The following C6orf52 variants were observed in gnomAD, a reference collection of about 807,000 sequenced individuals.
C6orf52 encodes chromosome 6 open reading frame 52, also known as putative uncharacterized protein C6orf52.
C6orf52 carries 16 observed loss-of-function variants against 16.6 expected under a neutral mutation model. The ratio of observed to expected loss-of-function variants is 0.96; its 90% CI spans 0.65 to 1.46. The LOEUF is 1.46. Ranked by LOEUF, C6orf52 falls within the 40% of genes most tolerant of loss-of-function variation. C6orf52 has a pLI of 0.00. For synonymous variants in C6orf52, 53 were observed against 61.4 expected (o/e 0.86, Z 0.64); for missense variants, 166 against 182.3 (o/e 0.91, Z 0.52).
At chr6:10,678,921 C>T (rs2127463465) in intron 4 of C6orf52, among the ~76,000 whole-genome samples, 1 of 151,970 alleles carries the variant, frequency 6.6e-6, no homozygotes, top group Non-Finnish European at 1.5e-5. Context: ...GGTGAAGCCC[C>T]ACCTCTACTA....
intron 4 of C6orf52, among the ~76,000 whole-genome samples, chr6:10,671,823 A>C (rs1490707710): frequency 6.6e-6 from 1 of 152,210 alleles, no homozygotes; most frequent in Non-Finnish European, 1.5e-5. Flanking sequence ...CAGCTGACAG[A>C]AGAGATGGAG....
chr6:10,692,465 GAC>G (rs1180957072), intron 1 of C6orf52, among the ~76,000 whole-genome samples: 1 of 151,666 alleles, frequency 6.6e-6, no homozygotes, highest in Non-Finnish European at 1.5e-5. Context: ...TTTTTTTTGA[GAC>G]AGTCTCACTC....
At chr6:10,675,890 G>C (rs139907897) in intron 4 of C6orf52, among the ~76,000 whole-genome samples, 70 of 152,290 alleles carry the variant, frequency 4.6e-4, no homozygotes, top group African/African-American at 1.5e-3. Context: ...CCAGCACTTT[G>C]GGAGGCCAAG....
intron 4 of C6orf52, among the ~76,000 whole-genome samples, chr6:10,674,430 G>A (rs181182186): frequency 1.1e-3 from 164 of 152,244 alleles, no homozygotes; most frequent in Non-Finnish European, 1.9e-3. Flanking sequence ...CCACATGGAT[G>A]GCTTTGTGTT....
In C6orf52 at chr6:10,671,463, G is replaced by A. The variant is rs1198139268; in HGVS notation, c.452C>T (p.Pro151Leu). Residue 151 changes from proline to leucine, a missense_variant, in exon 5 of 5, where the codon CCG becomes CTG. Physicochemically the swap from Pro to Leu is moderately conservative, Grantham distance 98 (BLOSUM62 -3). Coordinates refer to ENST00000259983, the MANE Select transcript of C6orf52 (RefSeq NM_001145020.3). ...TTTAATGAACACCTTGCTTCACTTC[G>A]GGGTCTCATCTGGGATTTCGGAGTG... ...TVHSEIPDET[P>L]K is the part of the protein sequence containing the mutation. The A allele has an allele frequency of 3.9e-6, 6 of 1,539,056 alleles. No individual in the cohort carries two copies. Among genetic ancestry groups the A allele is most frequent in the South Asian group, 2.5e-5 (2 of 80,998 alleles).
At position 10,687,179 on chromosome 6, in the gene C6orf52, A is replaced by G. The variant is rs1485332885; in HGVS notation, c.72-15T>C. 12 of 1,526,818 alleles carry G rather than the reference A, an allele frequency of 7.9e-6. No homozygotes were observed. Among genetic ancestry groups the G allele is most frequent in the African/African-American group, 1.4e-5 (1 of 72,176 alleles). 94.6% of individuals were successfully genotyped at this position (1,526,818 alleles called of 1,614,324 possible). ...CAGAGGGGAGACTACAGGAATGACA[A>G]TCATCACAACCAACGCAGAATCATC... On this transcript the variant is annotated splice_polypyrimidine_tract_variant and intron_variant, in intron 2 of 4. Coordinates refer to ENST00000259983, the MANE Select transcript of C6orf52 (RefSeq NM_001145020.3).
Position 10,673,375 on chromosome 6 carries a change from T to A in C6orf52, c.317-1777A>T, listed in dbSNP as rs183753945. On this transcript the variant is annotated intron_variant, in intron 4 of 4. Transcript: ENST00000259983. ...TAATAGAAGCCTATTCAAGACAAAC[T>A]AATTATATCATCCCTAAACCTGTGA... Among the ~76,000 whole-genome samples, 250 of 152,338 alleles carry A rather than the reference T, an allele frequency of 1.6e-3. 1 individual carries two copies. Among genetic ancestry groups the A allele is most frequent in the African/African-American group, 5.5e-3 (229 of 41,576 alleles).
At chr6:10,691,407 A>G (rs1020665352) in intron 1 of C6orf52, among the ~76,000 whole-genome samples, 1 of 152,080 alleles carries the variant, frequency 6.6e-6, no homozygotes, top group Non-Finnish European at 1.5e-5. Flanking sequence ...GCGGGGGTAC[A>G]TGACTGGGGG....
At chr6:10,674,011 AAC>A (rs1035050663) in intron 4 of C6orf52, among the ~76,000 whole-genome samples, 9 of 152,204 alleles carry the variant, frequency 5.9e-5, no homozygotes, top group African/African-American at 1.9e-4. Context: ...GTTCGTAAAC[AAC>A]ACACAGTTAT....
intron 4 of C6orf52, among the ~76,000 whole-genome samples, chr6:10,679,984 T>G (rs1027977929): frequency 2.6e-5 from 4 of 152,220 alleles, no homozygotes; most frequent in Non-Finnish European, 5.9e-5. Flanking sequence ...CAAGCGCAGT[T>G]GCTCATGCCC....
chr6:10,691,680 C>T (rs1769324095), intron 1 of C6orf52, among the ~76,000 whole-genome samples: 2 of 152,018 alleles, frequency 1.3e-5, no homozygotes, highest in Non-Finnish European at 2.9e-5. Flanking sequence ...ATGCTCTCCT[C>T]CAAAAATGTA....
At chr6:10,682,312 C>T (rs532510116) in intron 4 of C6orf52, among the ~76,000 whole-genome samples, 20 of 152,220 alleles carry the variant, frequency 1.3e-4, no homozygotes, top group Non-Finnish European at 2.2e-4. Context: ...GAAAGAAATC[C>T]CACAAAGTTG....
At chr6:10,678,399 G>A (rs1371510301) in intron 4 of C6orf52, among the ~76,000 whole-genome samples, 1 of 151,948 alleles carries the variant, frequency 6.6e-6, no homozygotes, top group Non-Finnish European at 1.5e-5. Flanking sequence ...TACAGCTATT[G>A]TACATGGGAT....
rs1221056615 is a variant in C6orf52 at position 10,687,547 on chromosome 6, C to T, written c.4G>A (p.Ala2Thr). The T allele has an allele frequency of 2.6e-6, 4 of 1,548,690 alleles. No individual in the cohort carries two copies. Among genetic ancestry groups the T allele is most frequent in the African/African-American group, 2.8e-5 (2 of 72,696 alleles). The change falls in exon 2 of 5, where the codon GCC becomes ACC. Residue 2 changes from alanine (A) to threonine (T), a missense_variant. By Grantham distance (58) the Ala-to-Thr change is moderately conservative. Coordinates refer to ENST00000259983, the MANE Select transcript of C6orf52 (RefSeq NM_001145020.3). ...AAATCTGCAGAACTCTCTGGTTGGG[C>T]CATTTACCCAGAAACTTTACAAAAA... Reference protein sequence around the residue: MAQPESSADFGI... With the variant: MTQPESSADFGI...
intron 4 of C6orf52, among the ~76,000 whole-genome samples, chr6:10,673,531 A>C (rs1005324476): frequency 6.6e-6 from 1 of 152,208 alleles, no homozygotes; most frequent in Non-Finnish European, 1.5e-5. Flanking sequence ...GGTGGTTGCC[A>C]GGGGATGAGG....
In C6orf52 at chr6:10,687,111, C is replaced by T. The variant is rs148683195; in HGVS notation, c.125G>A (p.Arg42His). The T allele has an allele frequency of 2.6e-3, 4,015 of 1,551,708 alleles. 92 individuals carry two copies. The African/African-American group carries it at 0.048, about 18-fold the overall frequency. Reference sequence around the variant, plus strand: ...CTGTCGCGCATACCAGTTGCCATAGCGGTAACTCTGGCTGGGCTGGAACTC... The same window carrying T: ...CTGTCGCGCATACCAGTTGCCATAGTGGTAACTCTGGCTGGGCTGGAACTC... ...KQEFQPSQSY[R>H]YGNWYARQHG... Residue 42 changes from arginine to histidine, a missense_variant, in exon 3 of 5, where the codon CGC becomes CAC. By Grantham distance (29) the Arg-to-His change is conservative (BLOSUM62 0). Coordinates refer to ENST00000259983, the MANE Select transcript of C6orf52 (RefSeq NM_001145020.3).
intron 4 of C6orf52, chr6:10,672,652 A>G (rs1442722800): frequency 1.5e-6 from 1 of 678,312 alleles, no homozygotes; most frequent in Admixed American, 2.3e-5. Flanking sequence ...AAATATAAAA[A>G]TAATTTTTTT....
rs1314683564 is a variant in C6orf52, at chr6:10,686,948, C to T, written c.270+18G>A. ...TTGGGCACACGAATGACACAAGATT[C>T]ATTCTAGCAAGGGATACCTTAGGCA... On this transcript the variant is annotated intron_variant, in intron 3 of 4. Transcript: ENST00000259983. The T allele has an allele frequency of 6.6e-7, 1 of 1,512,450 alleles. No individual in the cohort carries two copies. Among genetic ancestry groups the T allele is most frequent in the South Asian group, 1.2e-5 (1 of 80,062 alleles). The allele number at this position is 1,512,450 out of a possible 1,614,324, so 93.7% of individuals were successfully genotyped here.
intron 3 of C6orf52, chr6:10,684,802 C>A (rs1768718719): frequency 8.3e-7 from 1 of 1,199,192 alleles, no homozygotes; most frequent in African/African-American, 1.6e-5. Flanking sequence ...TTGGAGAAGA[C>A]CAAAATGGGG....
Sources: allele counts gnomAD v4.1 joint callset (sites outside exome capture counted in the v4.1 genomes callset), GRCh38; gene constraint gnomAD v4.1.1; transcripts MANE v1.5; gene names NCBI Gene and HGNC (gene_info 2026-07-23, HGNC 2026-07-21).